PITPNM2: variants seen among roughly 807,000 people sequenced by gnomAD.
PITPNM2 encodes phosphatidylinositol transfer protein membrane associated 2.
A neutral mutation model predicts 132.2 loss-of-function variants in PITPNM2; 35 were observed. The ratio of observed to expected loss-of-function variants is 0.26; its 90% CI spans 0.20 to 0.35. The LOEUF (loss-of-function observed/expected upper bound fraction) is 0.35. Among genes scored for constraint, PITPNM2 ranks in the 10% least tolerant of loss-of-function variants. The pLI is 1.00. For missense variants in PITPNM2, 1,332 were observed against 1,912.0 expected (o/e 0.70, Z 5.66); for synonymous variants, 738 against 799.2 (o/e 0.92, Z 1.29).
rs770992447 is a variant in PITPNM2 at position 122,995,590 on chromosome 12, C to A, written c.1853G>T (p.Gly618Val). ...ACCACCACTGCTGCCACCACCGCCA[C>A]CGCCGCCACCGCCACCACCGCAGCA... is the stretch of plus-strand genomic sequence containing the variant. ...AHCCGGGGGG[G>V]GGGGSSGGGG... Residue 618 changes from glycine to valine, a missense_variant, in exon 14 of 26, where the codon GGT becomes GTT. Coordinates refer to ENST00000320201, the MANE Select transcript of PITPNM2 (RefSeq NM_020845.3). 4 of 1,604,588 alleles carry A rather than the reference C, an allele frequency of 2.5e-6. No homozygotes were observed. The highest frequency in any genetic ancestry group is 3.4e-6 in the Non-Finnish European group (4 of 1,179,256).
At chr12:123,142,896 A>C (rs2043535820) in intron 1 of PITPNM2, among the ~76,000 whole-genome samples, 1 of 144,562 alleles carries the variant, frequency 6.9e-6, no homozygotes, top group Admixed American at 6.9e-5. Flanking sequence ...AAAAAAAAAA[A>C]GCAAGTGAAA....
chr12:123,149,197 C>T (rs958002318), intron 1 of PITPNM2, among the ~76,000 whole-genome samples: 2 of 152,222 alleles, frequency 1.3e-5, no homozygotes, highest in African/African-American at 4.8e-5. Context: ...CCGCAGTCCA[C>T]TTCTCTCCCC....
chr12:123,054,396 A>G (rs1482730190), intron 2 of PITPNM2, among the ~76,000 whole-genome samples: 1 of 152,224 alleles, frequency 6.6e-6, no homozygotes, highest in Non-Finnish European at 1.5e-5. Context: ...TATCAGATTT[A>G]GGGATTTGGA....
chr12:123,037,136 G>C (rs1031576051), intron 2 of PITPNM2, among the ~76,000 whole-genome samples: 1 of 152,244 alleles, frequency 6.6e-6, no homozygotes, highest in African/African-American at 2.4e-5. Flanking sequence ...TCCCCAGGCT[G>C]CACCTTATCC....
chr12:123,141,877 C>T lies in PITPNM2; in HGVS notation c.-200+8876G>A, dbSNP rs577270064. Among the ~76,000 whole-genome samples the T allele has an allele frequency of 5.9e-5, 9 of 152,304 alleles. No individual in the cohort carries two copies. The South Asian group carries it at 1.9e-3, about 32-fold the overall frequency. ...AAGTCATTCCCCTTTGTGGAAAGGT[C>T]AAACCCTTGGACTCGGTTTTTTCCA... On this transcript the variant is annotated intron_variant, in intron 1 of 25. Coordinates refer to ENST00000320201, the MANE Select transcript of PITPNM2 (RefSeq NM_020845.3).
At position 123,075,286 on chromosome 12, in the gene PITPNM2, T is replaced by C. The variant is rs550328830; in HGVS notation, c.-96+35099A>G. ...TCTCTTCCTGCAGTTTAAGTCATCA[T>C]GCAACACCACCAACAGACTTTTTCA... On this transcript the variant is annotated intron_variant, in intron 2 of 25. Coordinates refer to ENST00000320201, the MANE Select transcript of PITPNM2 (RefSeq NM_020845.3). 1.7e-4 allele frequency among the ~76,000 whole-genome samples: 26 copies of C among 152,376 alleles called. No individual in the cohort carries two copies. The South Asian group carries it at 5.2e-3, about 30-fold the overall frequency.
rs530547505 is a variant in PITPNM2, at chr12:123,020,253, T to TGGGATTATA, written c.79-6220_79-6212dup. Among the ~76,000 whole-genome samples the TGGGATTATA allele has an allele frequency of 7.2e-5, 11 of 151,864 alleles. No individual in the cohort carries two copies. In the South Asian group the frequency reaches 1.9e-3, roughly 26 times the overall value. On this transcript the variant is annotated intron_variant, in intron 3 of 25. Transcript: ENST00000320201. Reference sequence around the variant, plus strand: ...CTCCCACCTCAGCCTCCCGAATAGCTGGGATTATAGTCACGCGCCACCACA... The same window carrying TGGGATTATA: ...CTCCCACCTCAGCCTCCCGAATAGCTGGGATTATAGGGATTATAGTCACGCGCCACCACA...
At chr12:123,094,324 A>G (rs777546304) in intron 2 of PITPNM2, among the ~76,000 whole-genome samples, 1 of 152,214 alleles carries the variant, frequency 6.6e-6, no homozygotes, top group Non-Finnish European at 1.5e-5. Context: ...AGCCAGTCCA[A>G]GGCTCTCAGA....
Position 122,987,210 on chromosome 12 carries a change from A to G in PITPNM2, c.3413+71T>C, listed in dbSNP as rs545981852. The G allele has an allele frequency of 1.2e-4, 185 of 1,588,920 alleles. 1 individual carries two copies. The East Asian group carries it at 4.0e-3, about 34-fold the overall frequency. ...CACAGAGGCTCCGCTGTCCTCCTCC[A>G]CCTGGCTGGTGGGAGCCCCTGAGCC... On this transcript the variant is annotated intron_variant, in intron 23 of 25. Coordinates refer to ENST00000320201, the MANE Select transcript of PITPNM2 (RefSeq NM_020845.3).
chr12:123,066,628 C>T (rs1199785558), intron 2 of PITPNM2, among the ~76,000 whole-genome samples: 1 of 152,154 alleles, frequency 6.6e-6, no homozygotes, highest in Non-Finnish European at 1.5e-5. Context: ...CTGGGATGGG[C>T]TACAAGGTAC....
rs553247676 is a variant in PITPNM2, at chr12:123,041,164, A to T, written c.-95-6479T>A. 3.1e-3 allele frequency among the ~76,000 whole-genome samples: 471 copies of T among 152,318 alleles called. 1 individual carries two copies. Among genetic ancestry groups the T allele is most frequent in the Non-Finnish European group, 4.4e-3 (297 of 68,030 alleles). On this transcript the variant is annotated intron_variant, in intron 2 of 25. Transcript: ENST00000320201. ...TTTCATTTTGTCTTCTGGGGGTAAG[A>T]ACCACCCCTGCCCAGCTGGGGTGTC... is the stretch of plus-strand genomic sequence containing the variant.
intron 2 of PITPNM2, among the ~76,000 whole-genome samples, chr12:123,034,989 G>GTTTTA (rs1170447844): frequency 6.6e-6 from 1 of 152,238 alleles, no homozygotes; most frequent in Non-Finnish European, 1.5e-5. Flanking sequence ...CCGTGCTCTT[G>GTTTTA]TTTTACTCAC....
chr12:123,110,162 C>T (rs930258717), intron 2 of PITPNM2, among the ~76,000 whole-genome samples: 23 of 152,068 alleles, frequency 1.5e-4, no homozygotes, highest in Admixed American at 6.5e-5. Context: ...ACTATGTTGC[C>T]GAGGCTGTCT....
rs2037846125 is a variant in PITPNM2 at position 122,984,286 on chromosome 12, G to A, written c.*1741C>T. On this transcript the variant is annotated 3_prime_UTR_variant, in exon 26 of 26. Transcript: ENST00000320201. Reference sequence around the variant, plus strand: ...GGCTGGTCTCCCAGGCAGCAGGCAAGACAGGATAAGGTGGGGCCAAGAGAG... The same window carrying A: ...GGCTGGTCTCCCAGGCAGCAGGCAAAACAGGATAAGGTGGGGCCAAGAGAG... 1 of 152,672 alleles carries A rather than the reference G, an allele frequency of 6.5e-6. No individual in the cohort carries two copies. The highest frequency in any genetic ancestry group is 1.5e-5 in the Non-Finnish European group (1 of 68,122). The allele number at this position is 152,672 out of a possible 1,614,324, so 9.5% of individuals were successfully genotyped here.
At chr12:123,121,912 T>C (rs1219118073) in intron 1 of PITPNM2, among the ~76,000 whole-genome samples, 2 of 152,004 alleles carry the variant, frequency 1.3e-5, no homozygotes, top group Non-Finnish European at 2.9e-5. Context: ...TGGAGTACAG[T>C]GGCATGATCT....
chr12:123,052,076 T>A (rs1052217387), intron 2 of PITPNM2, among the ~76,000 whole-genome samples: 2 of 143,224 alleles, frequency 1.4e-5, no homozygotes, highest in African/African-American at 5.3e-5. Flanking sequence ...TTAATTTTAT[T>A]GTTTTTTTTT....
At chr12:123,020,087 A>G (rs1005993470) in intron 3 of PITPNM2, among the ~76,000 whole-genome samples, 3 of 152,132 alleles carry the variant, frequency 2.0e-5, no homozygotes, top group African/African-American at 7.2e-5. Flanking sequence ...GCCATATCAC[A>G]AAAGTTTTTT....
In PITPNM2 at chr12:123,141,850, G is replaced by A. The variant is rs140775450; in HGVS notation, c.-200+8903C>T. Among the ~76,000 whole-genome samples the A allele has an allele frequency of 2.0e-5, 3 of 152,272 alleles. No homozygotes were observed. In the East Asian group the frequency reaches 5.8e-4, roughly 29 times the overall value. On this transcript the variant is annotated intron_variant, in intron 1 of 25. Transcript: ENST00000320201. ...GTGATCTCAGGGTTTCAGGGAAATG[G>A]AAAGTCATTCCCCTTTGTGGAAAGG...
intron 1 of PITPNM2, among the ~76,000 whole-genome samples, chr12:123,115,138 T>G (rs1397487515): frequency 6.6e-6 from 1 of 151,988 alleles, no homozygotes; most frequent in Admixed American, 6.6e-5. Context: ...TTACCCACCC[T>G]CCCACAGGCC....
Sources: allele counts gnomAD v4.1 joint callset (sites outside exome capture counted in the v4.1 genomes callset), GRCh38; gene constraint gnomAD v4.1.1; transcripts MANE v1.5; gene names NCBI Gene and HGNC (gene_info 2026-07-23, HGNC 2026-07-21).